Variants in CEP83 observed in about 807,000 individuals in gnomAD.
CEP83 encodes centrosomal protein 83, also known as centrosomal protein of 83 kDa.
CEP83 carries 70 observed loss-of-function variants against 101.9 expected under a neutral mutation model. The ratio of observed to expected loss-of-function variants is 0.69; its 90% CI spans 0.57 to 0.84. The LOEUF (loss-of-function observed/expected upper bound fraction) is 0.84. CEP83 is among the 40% of genes least tolerant of loss of function. The pLI is 0.00. For missense variants in CEP83, 715 were observed against 787.2 expected (o/e 0.91, Z 1.10); for synonymous variants, 264 against 267.9 (o/e 0.99, Z 0.14).
chr12:94,437,171 C>T (rs1247362128), intron 1 of CEP83, among the ~76,000 whole-genome samples: 1 of 151,594 alleles, frequency 6.6e-6, no homozygotes, highest in East Asian at 1.9e-4. Context: ...TGGTGAAACC[C>T]CAACTAAACT....
chr12:94,312,708 C>T lies in CEP83; in HGVS notation c.1811+206G>A, dbSNP rs898236568. On this transcript the variant is annotated intron_variant, in intron 15 of 16. Coordinates refer to ENST00000397809, the MANE Select transcript of CEP83 (RefSeq NM_016122.3). Reference sequence around the variant, plus strand: ...CTGTTAGTCCCAATCATAAGGCAAACACCTGGTATGTGACAGAGACCTTTT... The same window carrying T: ...CTGTTAGTCCCAATCATAAGGCAAATACCTGGTATGTGACAGAGACCTTTT... The T allele has an allele frequency of 8.1e-6, 8 of 985,290 alleles. No individual in the cohort carries two copies. The Admixed American group carries it at 1.8e-4, about 23-fold the overall frequency. 61.0% of individuals were successfully genotyped at this position (985,290 alleles called of 1,614,324 possible). A position where few individuals can be genotyped will look rare whatever the true frequency, so the allele number is the denominator to read the frequency against.
At chr12:94,375,209 A>G (rs577522046) in intron 8 of CEP83, among the ~76,000 whole-genome samples, 1 of 152,346 alleles carries the variant, frequency 6.6e-6, no homozygotes, top group East Asian at 1.9e-4. Context: ...AAGAGCTATG[A>G]AGCAGGTAAG....
intron 6 of CEP83, among the ~76,000 whole-genome samples, chr12:94,383,806 T>C (rs1313867199): frequency 6.6e-6 from 1 of 152,136 alleles, no homozygotes; most frequent in Non-Finnish European, 1.5e-5. Context: ...GTTATTATAT[T>C]TATGTAACTT....
At chr12:94,327,023 A>G (rs973938676) in intron 14 of CEP83, among the ~76,000 whole-genome samples, 1 of 147,860 alleles carries the variant, frequency 6.8e-6, no homozygotes, top group Admixed American at 6.7e-5. Context: ...GGCAGACCTC[A>G]GGATGAATCA....
intron 11 of CEP83, chr12:94,361,108 A>G (rs1318899945): frequency 6.6e-6 from 1 of 152,206 alleles, no homozygotes; most frequent in Non-Finnish European, 1.5e-5. Context: ...CAAAAACTTA[A>G]GTATGAGACC....
the CEP83 span, among the ~76,000 whole-genome samples, chr12:94,287,388 G>A: frequency 2.6e-5 from 4 of 152,166 alleles, no homozygotes; most frequent in African/African-American, 7.2e-5. Context: ...GGGCACACTC[G>A]TCCCCTAGGA....
At chr12:94,395,593 G>A (rs2062835534) in intron 6 of CEP83, among the ~76,000 whole-genome samples, 1 of 152,160 alleles carries the variant, frequency 6.6e-6, no homozygotes, top group Non-Finnish European at 1.5e-5. Context: ...GGAGGCCAAG[G>A]TGGGCAGATC....
intron 4 of CEP83, among the ~76,000 whole-genome samples, chr12:94,408,793 C>T (rs1178271062): frequency 1.3e-5 from 2 of 151,974 alleles, no homozygotes. Context: ...AGTTACGTTA[C>T]CCAGGCTGGT....
At chr12:94,340,884 A>T (rs920290151) in intron 11 of CEP83, among the ~76,000 whole-genome samples, 2 of 152,254 alleles carry the variant, frequency 1.3e-5, no homozygotes, top group African/African-American at 2.4e-5. Flanking sequence ...AGGAGGAATA[A>T]AAGAAAAGGA....
chr12:94,380,106 G>GA lies in CEP83; in HGVS notation c.550-1065dup, dbSNP rs549779561. On this transcript the variant is annotated intron_variant, in intron 6 of 16. Transcript: ENST00000397809. Reference sequence around the variant, plus strand: ...AAAAAAAAAACAAAAAACAAAAACAGAAAAAACTAAAGAAATGCTCCAAAA... The same window carrying GA: ...AAAAAAAAAACAAAAAACAAAAACAGAAAAAAACTAAAGAAATGCTCCAAAA... Among the ~76,000 whole-genome samples, 237 of 136,796 alleles carry GA rather than the reference G, an allele frequency of 1.7e-3. 2 individuals are homozygous for GA. In the East Asian group the frequency reaches 0.03, roughly 17 times the overall value. The allele number at this position is 136,796 out of a possible 152,430, so 89.7% of individuals were successfully genotyped here.
intron 11 of CEP83, among the ~76,000 whole-genome samples, chr12:94,339,680 A>G (rs909048079): frequency 2.6e-5 from 4 of 152,252 alleles, no homozygotes; most frequent in Non-Finnish European, 5.9e-5. Flanking sequence ...CTACTGTCAA[A>G]GAGTCCTACA....
At chr12:94,339,317 C>T (rs1388064060) in intron 11 of CEP83, among the ~76,000 whole-genome samples, 2 of 152,128 alleles carry the variant, frequency 1.3e-5, no homozygotes, top group Non-Finnish European at 2.9e-5. Flanking sequence ...CAGAAAATAA[C>T]AAGGACAGAA....
At chr12:94,402,327 C>G (rs1261842130) in intron 5 of CEP83, 2 of 152,076 alleles carry the variant, frequency 1.3e-5, no homozygotes, top group Non-Finnish European at 2.9e-5. Context: ...TCTCATGCAA[C>G]TTCCATTCTA....
At chr12:94,454,581 G>A (rs541615093) in intron 1 of CEP83, among the ~76,000 whole-genome samples, 2 of 152,316 alleles carry the variant, frequency 1.3e-5, no homozygotes, top group South Asian at 4.1e-4. Context: ...AAGGGAAGAA[G>A]AGCTAGGCAC....
chr12:94,283,498 C>T, the CEP83 span, among the ~76,000 whole-genome samples: 1 of 152,200 alleles, frequency 6.6e-6, no homozygotes, highest in Non-Finnish European at 1.5e-5. Context: ...ATTGCCTAGA[C>T]AGAGCTGATT....
intron 11 of CEP83, among the ~76,000 whole-genome samples, chr12:94,354,943 A>C (rs1305553681): frequency 6.6e-6 from 1 of 152,174 alleles, no homozygotes; most frequent in Admixed American, 6.5e-5. Context: ...TGGAGGTTGC[A>C]GTTAGCTGAG....
chr12:94,310,080 T>C lies in CEP83; in HGVS notation c.1839A>G (p.Thr613=). ...NRQNVPFEDY[T]RLQKRLKDIQ... ...TATCTTTTAGTCTTTTTTGAAGCCT[T>C]GTATAGTCTTCAAAAGGAACATTTT... The change falls in exon 16 of 17, where the codon ACA becomes ACG. Residue 613 remains threonine (T), a synonymous_variant. Transcript: ENST00000397809. The C allele has an allele frequency of 6.3e-7, 1 of 1,584,242 alleles. No individual in the cohort carries two copies. Among genetic ancestry groups the C allele is most frequent in the Non-Finnish European group, 8.6e-7 (1 of 1,158,254 alleles).
intron 2 of CEP83, among the ~76,000 whole-genome samples, chr12:94,417,475 A>T (rs2064368151): frequency 6.6e-6 from 1 of 152,128 alleles, no homozygotes; most frequent in South Asian, 2.1e-4. Flanking sequence ...TAATATCCCA[A>T]ATGTCCAAGT....
At chr12:94,432,675 G>A (rs866645469) in intron 2 of CEP83, among the ~76,000 whole-genome samples, 23 of 152,258 alleles carry the variant, frequency 1.5e-4, no homozygotes, top group East Asian at 1.2e-3. Context: ...TTCTAATGTC[G>A]CAGAGCAGAG....
Sources: allele counts gnomAD v4.1 joint callset (sites outside exome capture counted in the v4.1 genomes callset), GRCh38; gene constraint gnomAD v4.1.1; transcripts MANE v1.5; gene names NCBI Gene and HGNC (gene_info 2026-07-23, HGNC 2026-07-21).